Variants in ZNF728 observed in about 807,000 individuals in gnomAD.
The protein encoded by ZNF728 is zinc finger protein 728.
Under a neutral mutation model 12.5 loss-of-function variants are expected in ZNF728, and 12 were observed. The observed-to-expected ratio is 0.96, with a 90% CI of 0.61 to 1.55. The LOEUF (loss-of-function observed/expected upper bound fraction) is 1.55. Ranked by LOEUF, ZNF728 falls within the 40% of genes most tolerant of loss-of-function variation. The pLI is 0.00. For synonymous variants in ZNF728, 205 were observed against 240.7 expected (o/e 0.85, Z 1.37); for missense variants, 692 against 719.2 (o/e 0.96, Z 0.43).
chr19:22,988,267 C>T, intron 2 of ZNF728, 58 bp downstream of exon 2: 1 of 1,611,790 alleles, frequency 6.2e-7, no homozygotes, highest in Non-Finnish European at 8.5e-7. Context: ...CAATAAAGTC[C>T]ACAGCAAAAT....
chr19:23,002,955 C>T, intron 1 of ZNF728, 73 bp downstream of exon 1: 1 of 1,579,762 alleles, frequency 6.3e-7, no homozygotes, highest in Non-Finnish European at 8.6e-7. Flanking sequence ...GCCTGAGTCC[C>T]GCCACAGCCA....
intron 3 of ZNF728, among the ~76,000 whole-genome samples, chr19:22,983,237 G>C (rs565773140): frequency 6.6e-6 from 1 of 151,882 alleles, no homozygotes; most frequent in East Asian, 1.9e-4. Flanking sequence ...ACATTTATGT[G>C]GCCAACAAAC....
rs1969132375 is a variant in ZNF728, at chr19:23,003,119, C to CGGACGACACACAGCAGTAA, written c.-108_-90dup. 2 of 1,454,956 alleles carry CGGACGACACACAGCAGTAA rather than the reference C, an allele frequency of 1.4e-6. No homozygotes were observed. The highest frequency in any genetic ancestry group is 1.4e-5 in the African/African-American group (1 of 68,978). 90.1% of individuals were successfully genotyped at this position (1,454,956 alleles called of 1,614,324 possible). A position where few individuals can be genotyped will look rare whatever the true frequency, so the allele number is the denominator to read the frequency against. On this transcript the variant is annotated 5_prime_UTR_variant, in exon 1 of 4. Transcript: ENST00000594710. ...GCCATAGAAGCTGGGCCTTTAGGAG[C>CGGACGACACACAGCAGTAA]GGACGACACACAGCAGTAAGGACGA...
intron 3 of ZNF728, 107 bp downstream of exon 3, chr19:22,987,201 C>A: frequency 9.6e-7 from 1 of 1,039,860 alleles, no homozygotes; most frequent in South Asian, 2.6e-5. Context: ...TTAGGCTTTC[C>A]AGAAACTATT....
chr19:22,984,573 A>ATACACACAC (rs1454286182), intron 3 of ZNF728, among the ~76,000 whole-genome samples: 7 of 86,628 alleles, frequency 8.1e-5, no homozygotes, highest in African/African-American at 4.6e-4. Flanking sequence ...AAAAAAAAAA[A>ATACACACAC]AAATACACAC....
chr19:22,995,580 G>A (rs1020162752), intron 1 of ZNF728: 1 of 152,216 alleles, frequency 6.6e-6, no homozygotes. Context: ...TGGGACTATA[G>A]GCACGCGCCA....
chr19:23,000,310 A>AG (rs987517199), intron 1 of ZNF728, among the ~76,000 whole-genome samples: 7 of 151,564 alleles, frequency 4.6e-5, no homozygotes, highest in Non-Finnish European at 1.0e-4. Flanking sequence ...CCCTGGAGAC[A>AG]GAGCTTGCAG....
chr19:22,999,053 T>C (rs1038840742), intron 1 of ZNF728, among the ~76,000 whole-genome samples: 9 of 152,208 alleles, frequency 5.9e-5, no homozygotes, highest in African/African-American at 2.2e-4. Flanking sequence ...TCATTTTATG[T>C]CCCTACTAAG....
intron 1 of ZNF728, 74 bp downstream of exon 1, chr19:23,002,954 C>G: frequency 6.3e-7 from 1 of 1,577,856 alleles, no homozygotes. Context: ...GGCCTGAGTC[C>G]CGCCACAGCC....
At chr19:22,978,366 G>GA (rs1431493116) in intron 3 of ZNF728, among the ~76,000 whole-genome samples, 1 of 149,022 alleles carries the variant, frequency 6.7e-6, no homozygotes, top group Non-Finnish European at 1.5e-5. Context: ...TGTCCTAATA[G>GA]AAAAAAAACC....
At chr19:22,999,995 A>T (rs753904524) in intron 1 of ZNF728, among the ~76,000 whole-genome samples, 19 of 152,032 alleles carry the variant, frequency 1.2e-4, no homozygotes, top group Non-Finnish European at 2.2e-4. Context: ...TGGAAGAAAA[A>T]TTTTTCTTAT....
rs780682438 is a variant in ZNF728 at position 22,975,502 on chromosome 19, C to A, written c.1835G>T (p.Arg612Ile). The A allele has an allele frequency of 5.8e-6, 9 of 1,551,066 alleles. No individual in the cohort carries two copies. Among genetic ancestry groups the A allele is most frequent in the Non-Finnish European group, 7.8e-6 (9 of 1,152,976 alleles). ...TAGGGTTTTTCCTCCAGTATGAATT[C>A]TCTTATGAGTAGTAAGGTGTGAGGA... ...NQSSHLTTHK[R>I]IHTGGKTLQM Residue 612 changes from arginine (R) to isoleucine (I), a missense_variant, in exon 4 of 4, where the codon AGA becomes ATA. Transcript: ENST00000594710.
At chr19:22,987,830 T>A (rs1968934605) in intron 2 of ZNF728, among the ~76,000 whole-genome samples, 1 of 152,186 alleles carries the variant, frequency 6.6e-6, no homozygotes, top group Non-Finnish European at 1.5e-5. Context: ...AAAGAAATTA[T>A]ACAAAAGAGA....
At chr19:23,002,841 G>A (rs1969126820) in intron 1 of ZNF728, among the ~76,000 whole-genome samples, 187 bp downstream of exon 1, 1 of 152,194 alleles carries the variant, frequency 6.6e-6, no homozygotes, top group African/African-American at 2.4e-5. Flanking sequence ...AGGACGCCCG[G>A]GGACCGGGTG....
intron 3 of ZNF728, among the ~76,000 whole-genome samples, chr19:22,983,109 C>T (rs927425012): frequency 6.6e-6 from 1 of 151,676 alleles, no homozygotes; most frequent in African/African-American, 2.4e-5. Flanking sequence ...GCAATCTAGC[C>T]ATCTGACAAA....
intron 3 of ZNF728, among the ~76,000 whole-genome samples, chr19:22,980,370 G>C (rs1968849739): frequency 1.3e-5 from 2 of 152,092 alleles, no homozygotes; most frequent in African/African-American, 4.8e-5. Flanking sequence ...GGAGCACCTA[G>C]AATCATAAAG....
At chr19:22,988,528 G>A in intron 1 of ZNF728, 77 bp from the exon 2 acceptor site, 2 of 1,581,928 alleles carry the variant, frequency 1.3e-6, no homozygotes, top group Non-Finnish European at 1.7e-6. Flanking sequence ...AGGTAAAATG[G>A]AAAGAGTAAA....
At chr19:22,999,419 T>A (rs1339136619) in intron 1 of ZNF728, among the ~76,000 whole-genome samples, 1 of 152,178 alleles carries the variant, frequency 6.6e-6, no homozygotes, top group Non-Finnish European at 1.5e-5. Flanking sequence ...CAAGGCTCTG[T>A]AGCTTCTCTC....
intron 1 of ZNF728, among the ~76,000 whole-genome samples, chr19:22,993,257 A>T (rs1969009991): frequency 6.6e-6 from 1 of 152,222 alleles, no homozygotes; most frequent in Admixed American, 6.5e-5. Flanking sequence ...CAATGCAGAA[A>T]ATGCCTCCTG....
Sources: allele counts gnomAD v4.1 joint callset (sites outside exome capture counted in the v4.1 genomes callset), GRCh38; gene constraint gnomAD v4.1.1; transcripts MANE v1.5; gene names NCBI Gene and HGNC (gene_info 2026-07-23, HGNC 2026-07-21).